PTCHD4: variants seen among roughly 807,000 people sequenced by gnomAD.
PTCHD4 encodes patched domain containing 4.
A neutral mutation model predicts 58.1 loss-of-function variants in PTCHD4; 33 were observed. That is an observed-to-expected ratio of 0.57 (90% CI 0.43 to 0.76). PTCHD4 has a LOEUF of 0.76. PTCHD4 is among the 30% of genes least tolerant of loss of function. PTCHD4 has a pLI of 0.00. For missense variants in PTCHD4, 1,058 were observed against 1,027.1 expected (o/e 1.03, Z -0.41); for synonymous variants, 478 against 409.6 (o/e 1.17, Z -2.02).
intron 3 of PTCHD4, among the ~76,000 whole-genome samples, chr6:48,027,530 T>C (rs1335418042): frequency 4.6e-5 from 7 of 152,160 alleles, no homozygotes; most frequent in Non-Finnish European, 1.0e-4. Context: ...TTCCAAAATC[T>C]CTTGTTAACT....
At position 48,100,839 on chromosome 6, in the gene PTCHD4, G is replaced by C. The variant is rs116508698; in HGVS notation, c.-970+10210C>G. On this transcript the variant is annotated intron_variant, in intron 1 of 4. Coordinates refer to ENST00000339488, the MANE Select transcript of PTCHD4 (RefSeq NM_001384253.1). ...AGTCGTGCATCTACCACTTGGGATA[G>C]AGAATCCTGACCAAAACCTCAAGAG... Among the ~76,000 whole-genome samples the C allele has an allele frequency of 4.3e-3, 653 of 152,204 alleles. 5 individuals are homozygous for C. Among genetic ancestry groups the C allele is most frequent in the African/African-American group, 0.015 (616 of 41,516 alleles).
intron 3 of PTCHD4, among the ~76,000 whole-genome samples, chr6:48,058,165 C>G (rs1180634063): frequency 6.6e-6 from 1 of 152,218 alleles, no homozygotes; most frequent in Non-Finnish European, 1.5e-5. Flanking sequence ...TAAAGCTCCA[C>G]TAATGATTTC....
At chr6:47,994,965 A>G (rs1377286139) in intron 4 of PTCHD4, among the ~76,000 whole-genome samples, 1 of 152,234 alleles carries the variant, frequency 6.6e-6, no homozygotes, top group Non-Finnish European at 1.5e-5. Context: ...ATGTTCTAGG[A>G]AGTTTACAGG....
intron 4 of PTCHD4, among the ~76,000 whole-genome samples, chr6:47,953,299 TAAAAAGTTAACCACCTTG>T (rs916783753): frequency 4.6e-5 from 7 of 152,158 alleles, no homozygotes; most frequent in African/African-American, 1.2e-4. Flanking sequence ...CTGAATTTTT[TAAAAAGTTAACCACCTTG>T]CTTTGTGGGG....
rs185794599 is a variant in PTCHD4, at chr6:47,918,662, A to T, written c.899-38726T>A. ...TTCAATGGAATTTTTTCCCTTATAAAATTCTAAGTGGAAAAAAAAATCACT... is the reference window on the plus strand; with the variant it reads ...TTCAATGGAATTTTTTCCCTTATAATATTCTAAGTGGAAAAAAAAATCACT... On this transcript the variant is annotated intron_variant, in intron 4 of 4. Transcript: ENST00000339488. 3.9e-5 allele frequency among the ~76,000 whole-genome samples: 6 copies of T among 152,198 alleles called. No homozygotes were observed. In the East Asian group the frequency reaches 1.2e-3, roughly 29 times the overall value.
rs186244000 is a variant in PTCHD4, at chr6:47,872,815, A to G, written c.*5488T>C. On this transcript the variant is annotated 3_prime_UTR_variant, in exon 5 of 5. Coordinates refer to ENST00000339488, the MANE Select transcript of PTCHD4 (RefSeq NM_001384253.1). ...GCAGAAGACATAAAATGTGATTTGT[A>G]GACTAGGAAGTTATACTATAAATAT... Among the ~76,000 whole-genome samples the G allele has an allele frequency of 6.6e-6, 1 of 151,756 alleles. No individual in the cohort carries two copies. Among genetic ancestry groups the G allele is most frequent in the East Asian group, 1.9e-4 (1 of 5,142 alleles).
chr6:47,927,824 T>C (rs1765675567), intron 4 of PTCHD4, among the ~76,000 whole-genome samples: 2 of 151,980 alleles, frequency 1.3e-5, no homozygotes, highest in Admixed American at 1.3e-4. Flanking sequence ...GGTTTTGCCA[T>C]GTTGCCCAGG....
chr6:48,029,441 A>G (rs1334961825), intron 3 of PTCHD4, among the ~76,000 whole-genome samples: 1 of 152,140 alleles, frequency 6.6e-6, no homozygotes, highest in African/African-American at 2.4e-5. Context: ...ATCAAGCAGA[A>G]CAAAAATTAA....
At chr6:47,903,693 A>G (rs1764787394) in intron 4 of PTCHD4, among the ~76,000 whole-genome samples, 1 of 152,222 alleles carries the variant, frequency 6.6e-6, no homozygotes, top group Non-Finnish European at 1.5e-5. Context: ...CATTAAGAAT[A>G]CAGCAATAAT....
chr6:48,040,136 A>C (rs1169900447), intron 3 of PTCHD4, among the ~76,000 whole-genome samples: 2 of 152,104 alleles, frequency 1.3e-5, no homozygotes, highest in African/African-American at 4.8e-5. Context: ...TCTAATTCTT[A>C]GTTTAGGTAC....
At chr6:48,012,946 T>A (rs1302702004) in intron 3 of PTCHD4, among the ~76,000 whole-genome samples, 1 of 152,176 alleles carries the variant, frequency 6.6e-6, no homozygotes, top group African/African-American at 2.4e-5. Flanking sequence ...GTAGATAAGC[T>A]TTTTGATGTG....
In PTCHD4 at chr6:47,870,632, A is replaced by G. The variant is rs1763691987; in HGVS notation, c.*7671T>C. 6.6e-6 allele frequency among the ~76,000 whole-genome samples: 1 copy of G among 151,674 alleles called. No individual in the cohort carries two copies. The highest frequency in any genetic ancestry group is 2.1e-4 in the South Asian group (1 of 4,832). Reference sequence around the variant, plus strand: ...TTGGGTTCTTAGTAAGATCAAAAATAGGTACTTTTAGAATATTTTCTTCTT... The same window carrying G: ...TTGGGTTCTTAGTAAGATCAAAAATGGGTACTTTTAGAATATTTTCTTCTT... On this transcript the variant is annotated 3_prime_UTR_variant, in exon 5 of 5. Transcript: ENST00000339488.
At chr6:48,087,040 T>C (rs1485232108) in intron 1 of PTCHD4, among the ~76,000 whole-genome samples, 1 of 152,212 alleles carries the variant, frequency 6.6e-6, no homozygotes, top group Non-Finnish European at 1.5e-5. Context: ...CTTAAAACAC[T>C]GACATGGTAG....
intron 4 of PTCHD4, among the ~76,000 whole-genome samples, chr6:47,905,095 G>A (rs1285116832): frequency 1.1e-5 from 1 of 94,014 alleles, no homozygotes; most frequent in Non-Finnish European, 2.3e-5. Context: ...ATAAATGAAT[G>A]GATAGACTTT....
In PTCHD4 at chr6:47,870,031, C is replaced by T. The variant is rs1427835864; in HGVS notation, c.*8272G>A. On this transcript the variant is annotated 3_prime_UTR_variant, in exon 5 of 5. Transcript: ENST00000339488. Reference sequence around the variant, plus strand: ...ATTTTAAAAGACCTCATATTTGACCCTAAGAACTATAGAATATACACCTGT... The same window carrying T: ...ATTTTAAAAGACCTCATATTTGACCTTAAGAACTATAGAATATACACCTGT... 1.3e-5 allele frequency among the ~76,000 whole-genome samples: 2 copies of T among 151,562 alleles called. No individual in the cohort carries two copies. Among genetic ancestry groups the T allele is most frequent in the Admixed American group, 6.6e-5 (1 of 15,170 alleles).
chr6:47,987,154 G>T lies in PTCHD4; in HGVS notation c.898+21480C>A, dbSNP rs1282941220. Among the ~76,000 whole-genome samples the T allele has an allele frequency of 2.7e-5, 4 of 148,802 alleles. No homozygotes were observed. In the East Asian group the frequency reaches 6.0e-4, roughly 22 times the overall value. ...GAAATTACATGAAGAGAAAAATTGG[G>T]TTAGAGGCAGTAAATATTAACATTA... On this transcript the variant is annotated intron_variant, in intron 4 of 4. Transcript: ENST00000339488.
intron 1 of PTCHD4, among the ~76,000 whole-genome samples, chr6:48,107,580 A>G (rs1161298591): frequency 3.9e-5 from 6 of 152,042 alleles, no homozygotes; most frequent in Admixed American, 3.9e-4. Flanking sequence ...CAATGGCAAC[A>G]AAAGCCAAAA....
At chr6:48,055,119 G>A (rs145237458) in intron 3 of PTCHD4, among the ~76,000 whole-genome samples, 2,294 of 152,184 alleles carry the variant, frequency 0.015, 43 homozygotes, top group South Asian at 0.06. Context: ...AGACAGACTC[G>A]ATCAATAACT....
chr6:48,054,619 A>G (rs1271329289), intron 3 of PTCHD4, among the ~76,000 whole-genome samples: 1 of 152,184 alleles, frequency 6.6e-6, no homozygotes, highest in Non-Finnish European at 1.5e-5. Flanking sequence ...AGTATTCTAA[A>G]GTTACCAATA....
Sources: gnomAD v4.1 joint callset for allele counts (sites outside exome capture counted in the v4.1 genomes callset) on GRCh38, gnomAD v4.1.1 for gene constraint, MANE v1.5 for transcripts, NCBI Gene and HGNC (gene_info 2026-07-23, HGNC 2026-07-21) for gene names.